The following RBM20 variants were observed in gnomAD, a reference collection of about 807,000 sequenced individuals.
The protein encoded by RBM20 is RNA-binding protein 20.
In RBM20, 51 loss-of-function variants were observed where a neutral mutation model predicts 110.1. The observed-to-expected ratio is 0.46, with a 90% CI of 0.37 to 0.59. RBM20 has a LOEUF of 0.59. Among genes scored for constraint, RBM20 ranks in the 20% least tolerant of loss-of-function variants. The pLI is 0.00. For synonymous variants in RBM20, 589 were observed against 618.2 expected (o/e 0.95, Z 0.70); for missense variants, 1,512 against 1,574.9 (o/e 0.96, Z 0.68).
intron 7 of RBM20, among the ~76,000 whole-genome samples, chr10:110,808,076 C>T (rs1451290575): frequency 6.6e-6 from 1 of 152,224 alleles, no homozygotes; most frequent in Non-Finnish European, 1.5e-5. Context: ...TCCCAGCTGG[C>T]TTTCCCTTGA....
At chr10:110,665,680 A>G (rs1590603819) in intron 1 of RBM20, among the ~76,000 whole-genome samples, 1 of 151,410 alleles carries the variant, frequency 6.6e-6, no homozygotes, top group Admixed American at 6.5e-5. Context: ...TATGATATAT[A>G]TGATAACTAA....
chr10:110,782,390 C>T (rs918396463), intron 2 of RBM20, among the ~76,000 whole-genome samples: 1 of 152,248 alleles, frequency 6.6e-6, no homozygotes, highest in African/African-American at 2.4e-5. Flanking sequence ...GGTAGAGTCT[C>T]ATGACACCTT....
At chr10:110,655,853 T>A (rs17828014) in intron 1 of RBM20, among the ~76,000 whole-genome samples, 33,675 of 152,118 alleles carry the variant, frequency 0.22, 4,672 homozygotes, top group Middle Eastern at 0.33. Context: ...AGCAATTCAA[T>A]AATGCTAACA....
chr10:110,730,030 C>A (rs965709438), intron 1 of RBM20, among the ~76,000 whole-genome samples: 1 of 152,104 alleles, frequency 6.6e-6, no homozygotes, highest in Middle Eastern at 3.2e-3. Flanking sequence ...GTTGGTTAGG[C>A]TGGTCTCAAA....
chr10:110,783,929 C>G (rs12764336), intron 3 of RBM20, among the ~76,000 whole-genome samples: 44,553 of 152,100 alleles, frequency 0.29, 6,878 homozygotes, highest in Middle Eastern at 0.34. Flanking sequence ...CTGGCAACCA[C>G]CAATCTGCCT....
chr10:110,789,415 G>T (rs1288013608), intron 5 of RBM20, among the ~76,000 whole-genome samples: 3 of 148,696 alleles, frequency 2.0e-5, no homozygotes, highest in Non-Finnish European at 3.0e-5. Context: ...TTTTGTTTAG[G>T]TTTTTTTTTT....
At chr10:110,658,992 T>C (rs1305926474) in intron 1 of RBM20, among the ~76,000 whole-genome samples, 1 of 152,194 alleles carries the variant, frequency 6.6e-6, no homozygotes, top group Non-Finnish European at 1.5e-5. Flanking sequence ...CCATGCAAAG[T>C]CCTTGCAGTC....
At chr10:110,779,039 G>C (rs904916167) in intron 1 of RBM20, among the ~76,000 whole-genome samples, 1 of 152,226 alleles carries the variant, frequency 6.6e-6, no homozygotes, top group African/African-American at 2.4e-5. Flanking sequence ...GAAGGGAACT[G>C]TGATATTGTG....
intron 1 of RBM20, among the ~76,000 whole-genome samples, chr10:110,729,876 T>G (rs1465525867): frequency 6.6e-6 from 1 of 152,224 alleles, no homozygotes; most frequent in East Asian, 1.9e-4. Context: ...CAGGCTGGAG[T>G]GCAACCTCGG....
At chr10:110,824,138 A>T (rs1844952935) in intron 12 of RBM20, among the ~76,000 whole-genome samples, 1 of 152,206 alleles carries the variant, frequency 6.6e-6, no homozygotes, top group African/African-American at 2.4e-5. Flanking sequence ...CCGTGAAAAC[A>T]GCCTTGAATA....
intron 1 of RBM20, among the ~76,000 whole-genome samples, chr10:110,763,145 T>C (rs1304784361): frequency 2.0e-5 from 3 of 152,148 alleles, no homozygotes; most frequent in African/African-American, 4.8e-5. Context: ...AGGTGGCCCA[T>C]GGAAGAGCCT....
At chr10:110,767,737 CG>C (rs1844124749) in intron 1 of RBM20, among the ~76,000 whole-genome samples, 1 of 151,978 alleles carries the variant, frequency 6.6e-6, no homozygotes, top group Non-Finnish European at 1.5e-5. Context: ...GATGGGCGGC[CG>C]GGCAGAGACG....
At chr10:110,644,102 T>C (rs761479311), upstream of RBM20, among the ~76,000 whole-genome samples, 55 of 152,138 alleles carry the variant, frequency 3.6e-4, no homozygotes, top group Non-Finnish European at 7.6e-4. This position sits in a 1 kb window ranked among gnomAD's most constrained non-coding sequence, Gnocchi z 4.3. Context: ...GAGGGTGCAC[T>C]GTGGCGGGTG....
intron 1 of RBM20, among the ~76,000 whole-genome samples, chr10:110,664,760 A>T (rs893806080): frequency 3.9e-5 from 6 of 152,194 alleles, no homozygotes; most frequent in East Asian, 1.9e-4. Context: ...AAAATTTTTT[A>T]AAAAAGAAAA....
chr10:110,753,788 A>T (rs548479914), intron 1 of RBM20, among the ~76,000 whole-genome samples: 9 of 152,298 alleles, frequency 5.9e-5, no homozygotes, highest in East Asian at 1.9e-4. Flanking sequence ...CTAGGGGGGA[A>T]TCTTTTCTTT....
chr10:110,792,442 C>T (rs959486910), intron 5 of RBM20, among the ~76,000 whole-genome samples: 2 of 152,158 alleles, frequency 1.3e-5, no homozygotes, highest in Non-Finnish European at 2.9e-5. Flanking sequence ...CCCAAAGCAC[C>T]GTACATTCAC....
chr10:110,663,704 A>T (rs1259243791), intron 1 of RBM20, among the ~76,000 whole-genome samples: 1 of 152,248 alleles, frequency 6.6e-6, no homozygotes, highest in Non-Finnish European at 1.5e-5. Context: ...AAACAAACTT[A>T]TGTATCAAGT....
At chr10:110,645,084 G>A (rs1471874535) in intron 1 of RBM20, among the ~76,000 whole-genome samples, 1 of 152,182 alleles carries the variant, frequency 6.6e-6, no homozygotes, top group East Asian at 1.9e-4. Context: ...AAACCAACCA[G>A]TGGAAAGGGA....
chr10:110,648,675 A>ATCTGAGAG (rs1377386900), intron 1 of RBM20, among the ~76,000 whole-genome samples: 2 of 150,004 alleles, frequency 1.3e-5, no homozygotes, highest in Non-Finnish European at 3.0e-5. Flanking sequence ...CAGGGAAAAC[A>ATCTGAGAG]TCTGAGAGGA....
Sources: gnomAD v4.1 joint callset for allele counts (sites outside exome capture counted in the v4.1 genomes callset) on GRCh38, gnomAD v4.1.1 for gene constraint, Gnocchi (gnomAD v3.1) non-coding constraint, MANE v1.5 for transcripts, NCBI Gene and HGNC (gene_info 2026-07-23, HGNC 2026-07-21) for gene names.